Variants in BOP1 observed in about 807,000 individuals in gnomAD.
BOP1 encodes the protein ribosome biogenesis protein BOP1.
Under a neutral mutation model 82.9 loss-of-function variants are expected in BOP1, and 54 were observed. That is an observed-to-expected ratio of 0.65 (90% CI 0.52 to 0.82). The LOEUF is 0.82. Among genes scored for constraint, BOP1 ranks in the 40% least tolerant of loss-of-function variants. The pLI is 0.00. For synonymous variants in BOP1, 566 were observed against 451.1 expected, an observed-to-expected ratio of 1.25 and a Z score of -3.23; for missense variants, 1,170 against 1,072.0, an observed-to-expected ratio of 1.09 and a Z score of -1.28.
Position 144,263,543 on chromosome 8 carries a change from C to G in BOP1, c.1359G>C (p.Val453=). Residue 453 remains valine (V), a synonymous_variant, in exon 11 of 16, where the codon GTG becomes GTC. Coordinates refer to ENST00000569669, the MANE Select transcript of BOP1 (RefSeq NM_015201.5). The stretch of plus-strand genomic sequence containing the variant: ...AGGCCACACTCTTCACCACGCCCCC[C>G]ACGGGAACAGTCCTCACACAGCGGG... The part of the protein sequence containing the change: ...ATARCVRTVP[V]GGVVKSVAWN... 1 of 1,600,770 alleles carries G rather than the reference C, an allele frequency of 6.2e-7. No individual in the cohort carries two copies. The highest frequency in any genetic ancestry group is 1.7e-5 in the Admixed American group (1 of 60,002).
At chr8:144,266,600 C>T (rs1446637140) in intron 3 of BOP1, 23 of 1,116,988 alleles carry the variant, frequency 2.1e-5, no homozygotes, top group Non-Finnish European at 2.5e-5. Flanking sequence ...TGACGCCGCG[C>T]CCCCGCCGGC....
At chr8:144,290,781 C>T (rs896789890) in intron 1 of BOP1, among the ~76,000 whole-genome samples, 5 of 152,132 alleles carry the variant, frequency 3.3e-5, no homozygotes, top group Admixed American at 6.5e-5. Flanking sequence ...GCTGTCCATC[C>T]CCTCCACCAC....
chr8:144,264,482 C>A, intron 6 of BOP1, 33 bp downstream of exon 6: 1 of 1,608,248 alleles, frequency 6.2e-7, no homozygotes, highest in Non-Finnish European at 8.5e-7. Context: ...GGGCGGTCAG[C>A]CCAGGCCAAG....
intron 2 of BOP1, among the ~76,000 whole-genome samples, chr8:144,279,883 G>A (rs1258443027): frequency 9.2e-5 from 14 of 152,114 alleles, no homozygotes; most frequent in Non-Finnish European, 1.6e-4. Context: ...TGTCAGGGGC[G>A]GTCTGGACAC....
chr8:144,263,160 G>GGCT lies in BOP1; in HGVS notation c.1606-22_1606-20dup. 6.3e-7 allele frequency: 1 copy of GGCT among 1,592,560 alleles called. No individual in the cohort carries two copies. The highest frequency in any genetic ancestry group is 8.5e-7 in the Non-Finnish European group (1 of 1,178,432). ...TCACTGGCTGCAGGAGAGCAAGGCT[G>GGCT]GCTGAGTGGCTGAGCCGGGCCCCTC... On this transcript the variant is annotated intron_variant, in intron 12 of 15. Transcript: ENST00000569669.
chr8:144,274,532 C>T (rs922424995), intron 3 of BOP1, among the ~76,000 whole-genome samples: 3 of 152,368 alleles, frequency 2.0e-5, no homozygotes, highest in Admixed American at 6.5e-5. Context: ...GGCATCTGTC[C>T]GGGCCTGGCC....
chr8:144,282,084 A>T (rs1845694259), intron 2 of BOP1, among the ~76,000 whole-genome samples: 1 of 152,268 alleles, frequency 6.6e-6, no homozygotes, highest in South Asian at 2.1e-4. Flanking sequence ...AGCGATAAAG[A>T]GAAGGCCCTG....
Position 144,262,890 on chromosome 8 carries a change from G to A in BOP1, c.1857C>T (p.Asn619=). Residue 619 remains asparagine, a synonymous_variant, in exon 13 of 16, where the codon AAC becomes AAT. Coordinates refer to ENST00000569669, the MANE Select transcript of BOP1 (RefSeq NM_015201.5). ...CCGCCAGGCTGGACACCCACTTGCA[G>A]TTGGGCATCAGCTTCTTGGTGAGCT... is the stretch of plus-strand genomic sequence containing the variant. ...RQELTKKLMP[N]CKWVSSLAVH... 2.6e-6 allele frequency: 4 copies of A among 1,552,452 alleles called. No homozygotes were observed. Among genetic ancestry groups the A allele is most frequent in the Non-Finnish European group, 3.5e-6 (4 of 1,157,934 alleles).
At chr8:144,287,027 T>G (rs1814898416) in intron 2 of BOP1, among the ~76,000 whole-genome samples, 1 of 152,270 alleles carries the variant, frequency 6.6e-6, no homozygotes, top group African/African-American at 2.4e-5. Flanking sequence ...TTTTGGTTTT[T>G]GAGGCAGAGC....
intron 3 of BOP1, chr8:144,268,400 G>A (rs969066405): frequency 2.6e-4 from 155 of 585,928 alleles, no homozygotes; most frequent in Non-Finnish European, 4.3e-4. Flanking sequence ...CGGCCACTGT[G>A]TGATGGCATC....
At chr8:144,286,079 G>A (rs1554839435) in intron 2 of BOP1, among the ~76,000 whole-genome samples, 1 of 152,232 alleles carries the variant, frequency 6.6e-6, no homozygotes, top group South Asian at 2.1e-4. Context: ...CCATTCAAGA[G>A]GGGCGCGGAG....
At chr8:144,285,976 C>T (rs782687696) in intron 2 of BOP1, among the ~76,000 whole-genome samples, 3 of 152,226 alleles carry the variant, frequency 2.0e-5, no homozygotes, top group Admixed American at 6.5e-5. Flanking sequence ...CACGTGGCCA[C>T]GCTCATGGAA....
At chr8:144,290,875 A>G (rs1554840090) in intron 1 of BOP1, among the ~76,000 whole-genome samples, 3 of 152,230 alleles carry the variant, frequency 2.0e-5, no homozygotes, top group Non-Finnish European at 2.9e-5. Context: ...TGCAGCAGAC[A>G]CTGGGTTCTA....
Position 144,281,033 on chromosome 8 carries a change from A to ATACCAGGTCTTAGGCCTTCTCTCACTTTC in BOP1, c.310-4730_310-4729insGAAAGTGAGAGAAGGCCTAAGACCTGGTA, listed in dbSNP as rs1845664992. ...CAGGTCTTCGGCCTTCTCTCACTTT[A>ATACCAGGTCTTAGGCCTTCTCTCACTTTC]ATACCAGGTCTTAGGCCTTCTCTCA... On this transcript the variant is annotated intron_variant, in intron 2 of 15. Transcript: ENST00000569669. 9.7e-4 allele frequency among the ~76,000 whole-genome samples: 51 copies of ATACCAGGTCTTAGGCCTTCTCTCACTTTC among 52,668 alleles called. 1 individual carries two copies. Among genetic ancestry groups the ATACCAGGTCTTAGGCCTTCTCTCACTTTC allele is most frequent in the African/African-American group, 3.5e-3 (42 of 11,918 alleles). The allele number at this position is 52,668 out of a possible 152,430, so 34.6% of individuals were successfully genotyped here.
At chr8:144,290,964 A>C (rs1296217876) in intron 1 of BOP1, among the ~76,000 whole-genome samples, 1 of 152,274 alleles carries the variant, frequency 6.6e-6, no homozygotes, top group African/African-American at 2.4e-5. Flanking sequence ...TTAAGCATTT[A>C]CTGGGAGCGC....
At position 144,264,312 on chromosome 8, in the gene BOP1, C is replaced by G. The variant is rs1845306004; in HGVS notation, c.891G>C (p.Lys297Asn). The G allele has an allele frequency of 1.2e-6, 2 of 1,610,720 alleles. No homozygotes were observed. The highest frequency in any genetic ancestry group is 3.6e-4 in the Middle Eastern group (2 of 5,610). The change falls in exon 7 of 16, where the codon AAG becomes AAC. Residue 297 changes from lysine (K) to asparagine (N), a missense_variant. Lys to Asn is a moderately conservative substitution (Grantham distance 94, BLOSUM62 0). Coordinates refer to ENST00000569669, the MANE Select transcript of BOP1 (RefSeq NM_015201.5). ...CCAGCTTGGGAGCAGGTACGTGCATCTTGTGGCGCCCGAGCACGGCGTTGG... is the reference window on the plus strand; with the variant it reads ...CCAGCTTGGGAGCAGGTACGTGCATGTTGTGGCGCCCGAGCACGGCGTTGG... ...EDPNAVLGRH[K>N]MHVPAPKLAL...
At chr8:144,273,132 G>A (rs1243735231) in intron 3 of BOP1, among the ~76,000 whole-genome samples, 4 of 152,174 alleles carry the variant, frequency 2.6e-5, no homozygotes, top group African/African-American at 9.7e-5. Context: ...CGCCAGCAGC[G>A]ACGCAAGCCT....
At position 144,262,623 on chromosome 8, in the gene BOP1, G is replaced by A. The variant is rs1845234501; in HGVS notation, c.1944C>T (p.Asp648=). ...GSYDSKLVWF[D]LDLSTKPYRM... is the part of the protein sequence containing the mutation. ...TGTATGGCTTGGTGGAAAGATCCAGGTCAAACCACACCAGCTTGCTATCGT... is the reference window on the plus strand; with the variant it reads ...TGTATGGCTTGGTGGAAAGATCCAGATCAAACCACACCAGCTTGCTATCGT... The change falls in exon 14 of 16, where the codon GAC becomes GAT. Residue 648 remains aspartate (D), a synonymous_variant. Transcript: ENST00000569669. 7 of 1,613,446 alleles carry A rather than the reference G, an allele frequency of 4.3e-6. No homozygotes were observed. Among genetic ancestry groups the A allele is most frequent in the Admixed American group, 1.7e-5 (1 of 59,998 alleles).
rs1320240407 is a variant in BOP1, at chr8:144,264,927, G to C, written c.535C>G (p.Pro179Ala). The change falls in exon 4 of 16, where the codon CCT (proline) becomes GCT (alanine). Residue 179 changes from proline (P) to alanine (A), a missense_variant. Pro to Ala is a conservative substitution (Grantham distance 27). Coordinates refer to ENST00000569669, the MANE Select transcript of BOP1 (RefSeq NM_015201.5). ...LDQFLDKMDD[P>A]DYWRTVQDPM... The stretch of plus-strand genomic sequence containing the variant: ...CCCACCAGCCCTCACCAGTAGTCAG[G>C]ATCGTCCATCTTGTCCAGGAACTGG... 1.9e-6 allele frequency: 3 copies of C among 1,611,764 alleles called. No homozygotes were observed. The highest frequency in any genetic ancestry group is 2.5e-6 in the Non-Finnish European group (3 of 1,179,696).
Sources: allele counts gnomAD v4.1 joint callset (sites outside exome capture counted in the v4.1 genomes callset), GRCh38; gene constraint gnomAD v4.1.1; transcripts MANE v1.5; gene names NCBI Gene and HGNC (gene_info 2026-07-23, HGNC 2026-07-21).